DLEU7: variants seen among roughly 807,000 people sequenced by gnomAD.
DLEU7 encodes the protein leukemia-associated protein 7.
In DLEU7, 17 loss-of-function variants were observed where a neutral mutation model predicts 16.0. The ratio of observed to expected loss-of-function variants is 1.06; its 90% CI spans 0.73 to 1.59. The LOEUF (loss-of-function observed/expected upper bound fraction) is 1.59. Ranked by LOEUF, DLEU7 falls within the 40% of genes most tolerant of loss-of-function variation. DLEU7 has a pLI of 0.00. For missense variants in DLEU7, 308 were observed against 314.9 expected (o/e 0.98, Z 0.17); for synonymous variants, 113 against 139.8 (o/e 0.81, Z 1.35).
intron 1 of DLEU7, among the ~76,000 whole-genome samples, chr13:50,720,740 AC>A (rs1873579755): frequency 2.0e-5 from 3 of 152,152 alleles, no homozygotes; most frequent in African/African-American, 7.2e-5. Context: ...GACATGATAA[AC>A]TTTTTAAGAT....
chr13:50,754,026 G>T (rs1421155653), intron 1 of DLEU7, among the ~76,000 whole-genome samples: 1 of 152,144 alleles, frequency 6.6e-6, no homozygotes, highest in Non-Finnish European at 1.5e-5. Flanking sequence ...TTCCCACTGT[G>T]GTCTGAGAGA....
intron 1 of DLEU7, among the ~76,000 whole-genome samples, chr13:50,733,247 A>G (rs1040716783): frequency 3.5e-4 from 53 of 152,218 alleles, no homozygotes; most frequent in Non-Finnish European, 1.2e-4. Flanking sequence ...CAGAGCATCA[A>G]TGGATTTGAA....
intron 1 of DLEU7, among the ~76,000 whole-genome samples, chr13:50,825,198 A>G (rs1184510831): frequency 6.6e-6 from 1 of 152,130 alleles, no homozygotes; most frequent in Admixed American, 6.5e-5. Flanking sequence ...TTATTTTATG[A>G]TTGGCAAAAT....
chr13:50,792,662 G>A (rs1022759857), intron 1 of DLEU7, among the ~76,000 whole-genome samples: 8 of 152,168 alleles, frequency 5.3e-5, no homozygotes, highest in South Asian at 4.2e-4. Flanking sequence ...AATGGTGTGC[G>A]CACTGTTTTT....
At chr13:50,801,532 C>A (rs949424952) in intron 1 of DLEU7, among the ~76,000 whole-genome samples, 1 of 152,114 alleles carries the variant, frequency 6.6e-6, no homozygotes, top group East Asian at 1.9e-4. Context: ...CACTGGTTGG[C>A]ATGGAAATAC....
intron 1 of DLEU7, among the ~76,000 whole-genome samples, chr13:50,779,366 C>T (rs1875591324): frequency 6.6e-6 from 1 of 152,162 alleles, no homozygotes; most frequent in African/African-American, 2.4e-5. Flanking sequence ...CTCTATCTAG[C>T]TTAATTAGCA....
intron 1 of DLEU7, among the ~76,000 whole-genome samples, chr13:50,837,499 G>C (rs1877509717): frequency 6.6e-6 from 1 of 152,166 alleles, no homozygotes; most frequent in Non-Finnish European, 1.5e-5. Context: ...CGTATCCGTG[G>C]CTTACGGGGA....
At chr13:50,785,195 G>A (rs1875765601) in intron 1 of DLEU7, among the ~76,000 whole-genome samples, 1 of 152,148 alleles carries the variant, frequency 6.6e-6, no homozygotes. Flanking sequence ...TATTCAATGG[G>A]CACCTGGGGT....
chr13:50,833,611 C>G (rs556689512), intron 1 of DLEU7, among the ~76,000 whole-genome samples: 105 of 152,300 alleles, frequency 6.9e-4, no homozygotes, highest in African/African-American at 2.5e-3. Context: ...AATGGTCATA[C>G]TGCCCAAGGT....
chr13:50,825,405 C>T (rs961306163), intron 1 of DLEU7, among the ~76,000 whole-genome samples: 3 of 152,006 alleles, frequency 2.0e-5, no homozygotes, highest in Admixed American at 1.3e-4. Flanking sequence ...TCATGTGTCA[C>T]CTTATTCTGG....
chr13:50,812,756 A>G (rs1876607373), intron 1 of DLEU7, among the ~76,000 whole-genome samples: 1 of 152,164 alleles, frequency 6.6e-6, no homozygotes, highest in South Asian at 2.1e-4. Flanking sequence ...CTATATACGT[A>G]TAAATCCAGT....
At chr13:50,837,503 A>G (rs1326962974) in intron 1 of DLEU7, among the ~76,000 whole-genome samples, 3 of 152,244 alleles carry the variant, frequency 2.0e-5, no homozygotes, top group Non-Finnish European at 4.4e-5. Context: ...TCCGTGGCTT[A>G]CGGGGAGAGA....
chr13:50,757,932 A>G (rs949053331), intron 1 of DLEU7, among the ~76,000 whole-genome samples: 89 of 152,132 alleles, frequency 5.9e-4, no homozygotes, highest in Non-Finnish European at 3.5e-4. Flanking sequence ...TCATATCTTC[A>G]GAACAATTCT....
chr13:50,843,511 C>T lies in DLEU7; in HGVS notation c.136G>A (p.Val46Met), dbSNP rs778394562. The change falls in exon 1 of 2, where the codon GTG becomes ATG. Residue 46 changes from valine to methionine, a missense_variant. Coordinates refer to ENST00000504404, the MANE Select transcript of DLEU7 (RefSeq NM_001306135.2). This position sits in a 1 kb window ranked among gnomAD's most constrained non-coding sequence, Gnocchi z 5.7. Reference sequence around the variant, plus strand: ...GAGCGACGGGCTGGAGCGGTGGACACGTGGTCTGGGTCCCGCGGGTTCCCG... The same window carrying T: ...GAGCGACGGGCTGGAGCGGTGGACATGTGGTCTGGGTCCCGCGGGTTCCCG... ...APGNPRDPDH[V>M]STAPARRSGP... The T allele has an allele frequency of 1.8e-5, 26 of 1,409,790 alleles. No individual in the cohort carries two copies. The highest frequency in any genetic ancestry group is 9.2e-5 in the East Asian group (3 of 32,530). The allele number at this position is 1,409,790 out of a possible 1,614,324, so 87.3% of individuals were successfully genotyped here.
chr13:50,721,163 C>G (rs1248680469), intron 1 of DLEU7, among the ~76,000 whole-genome samples: 1 of 152,196 alleles, frequency 6.6e-6, no homozygotes, highest in Non-Finnish European at 1.5e-5. Flanking sequence ...TCTTTTCTCC[C>G]CTCCTGGATG....
intron 1 of DLEU7, among the ~76,000 whole-genome samples, chr13:50,746,490 A>C (rs914775757): frequency 2.0e-5 from 3 of 152,224 alleles, no homozygotes; most frequent in Non-Finnish European, 2.9e-5. Flanking sequence ...AGCTATCAAA[A>C]TTCAGTCATT....
chr13:50,836,480 C>G (rs1186697283), intron 1 of DLEU7, among the ~76,000 whole-genome samples: 3 of 152,056 alleles, frequency 2.0e-5, no homozygotes, highest in African/African-American at 7.2e-5. Flanking sequence ...CGAGACCATC[C>G]TGGCTAATAT....
intron 1 of DLEU7, among the ~76,000 whole-genome samples, chr13:50,834,706 G>T (rs540753801): frequency 1.3e-5 from 2 of 152,178 alleles, no homozygotes; most frequent in South Asian, 2.1e-4. Context: ...ACACCCAAAG[G>T]ATTATAGGTC....
chr13:50,836,694 GA>G lies in DLEU7; in HGVS notation c.459+6493del, dbSNP rs544878000. Among the ~76,000 whole-genome samples, 244 of 151,762 alleles carry G rather than the reference GA, an allele frequency of 1.6e-3. 1 individual carries two copies. Among genetic ancestry groups the G allele is most frequent in the African/African-American group, 5.4e-3 (225 of 41,388 alleles). On this transcript the variant is annotated intron_variant, in intron 1 of 1. Transcript: ENST00000504404. ...ATCTCAAAAGAAAAAAAAAAGGAAA[GA>G]AAAAAAGAAAGAGAGAAAGGAAGGA...
Sources: allele counts gnomAD v4.1 joint callset (sites outside exome capture counted in the v4.1 genomes callset), GRCh38; gene constraint gnomAD v4.1.1; non-coding constraint Gnocchi (gnomAD v3.1); transcripts MANE v1.5; gene names NCBI Gene and HGNC (gene_info 2026-07-23, HGNC 2026-07-21).